CNTN5: variants seen among roughly 807,000 people sequenced by gnomAD.
The protein encoded by CNTN5 is contactin 5.
CNTN5 carries 77 observed loss-of-function variants against 129.1 expected under a neutral mutation model. That is an observed-to-expected ratio of 0.60 (90% confidence interval 0.50 to 0.72). CNTN5 has a LOEUF of 0.72. Ranked by LOEUF, CNTN5 falls within the 30% of genes least tolerant of loss-of-function variation. The pLI is 0.00. For missense variants in CNTN5, 1,478 were observed against 1,328.8 expected (o/e 1.11, Z -1.75); for synonymous variants, 509 against 465.6 (o/e 1.09, Z -1.20).
At chr11:100,226,921 G>A (rs891973319) in intron 16 of CNTN5, among the ~76,000 whole-genome samples, 2 of 152,060 alleles carry the variant, frequency 1.3e-5, no homozygotes, top group East Asian at 3.9e-4. Context: ...TAAACTCATG[G>A]TATTCTAATA....
chr11:99,589,849 T>C (rs573229606), intron 3 of CNTN5, among the ~76,000 whole-genome samples: 1 of 152,346 alleles, frequency 6.6e-6, no homozygotes, highest in Non-Finnish European at 1.5e-5. Flanking sequence ...ATCCTCATAA[T>C]ATTTTTCTAA....
chr11:99,964,498 G>C (rs1012230181), intron 8 of CNTN5, among the ~76,000 whole-genome samples: 7 of 152,184 alleles, frequency 4.6e-5, no homozygotes, highest in Non-Finnish European at 1.0e-4. Flanking sequence ...TTGCATCCCA[G>C]GGATGAAGCC....
chr11:100,299,578 T>A (rs1373572588), intron 20 of CNTN5, among the ~76,000 whole-genome samples, 182 bp downstream of exon 20: 1 of 151,500 alleles, frequency 6.6e-6, no homozygotes, highest in South Asian at 2.1e-4. Flanking sequence ...TAAAAGTTGA[T>A]TATTCCACAT....
intron 1 of CNTN5, among the ~76,000 whole-genome samples, chr11:99,274,055 C>T (rs143513267): frequency 6.6e-6 from 1 of 151,794 alleles, no homozygotes; most frequent in East Asian, 1.9e-4. Flanking sequence ...GTAACACTAA[C>T]CATACTTCAA....
intron 15 of CNTN5, among the ~76,000 whole-genome samples, chr11:100,218,546 C>T (rs1949192657): frequency 1.3e-5 from 2 of 152,144 alleles, no homozygotes; most frequent in South Asian, 4.1e-4. Context: ...TGAGAAGGGT[C>T]TCATACTTGA....
At chr11:99,881,408 G>C (rs1343030058) in intron 6 of CNTN5, among the ~76,000 whole-genome samples, 1 of 152,208 alleles carries the variant, frequency 6.6e-6, no homozygotes, top group Admixed American at 6.5e-5. Flanking sequence ...TTATGTAAGT[G>C]ATATTTATGA....
chr11:100,071,727 G>A lies in CNTN5; in HGVS notation c.1322G>A (p.Gly441Glu). 1 of 1,593,050 alleles carries A rather than the reference G, an allele frequency of 6.3e-7. No homozygotes were observed. Among genetic ancestry groups the A allele is most frequent in the South Asian group, 1.1e-5 (1 of 87,764 alleles). ...CAGAGTAGGGTTGAGATGGTTAATG[G>A]AGTATTGATGATCCACAATGTGAAT... ...SPQSRVEMVN[G>E]VLMIHNVNQS... is the part of the protein sequence containing the mutation. The change falls in exon 12 of 25, where the codon GGA (glycine) becomes GAA (glutamate). Residue 441 changes from glycine (G) to glutamate (E), a missense_variant. Gly to Glu is a moderately conservative substitution (Grantham distance 98). Transcript: ENST00000524871.
chr11:100,325,395 T>A lies in CNTN5; in HGVS notation c.2731-15068T>A, dbSNP rs188304684. Among the ~76,000 whole-genome samples the A allele has an allele frequency of 8.3e-4, 127 of 152,266 alleles. 1 individual carries two copies. In the East Asian group the frequency reaches 0.014, roughly 17 times the overall value. ...AGCATGTAAAACCAACTTTCCTTAA[T>A]TCCCCCTTAAAGCACCCATGAAACC... On this transcript the variant is annotated intron_variant, in intron 21 of 24. Coordinates refer to ENST00000524871, the MANE Select transcript of CNTN5 (RefSeq NM_014361.4).
chr11:99,522,892 ATCCT>A (rs1444027128), intron 2 of CNTN5, among the ~76,000 whole-genome samples: 1 of 152,124 alleles, frequency 6.6e-6, no homozygotes, highest in Non-Finnish European at 1.5e-5. Flanking sequence ...TACAAGAATC[ATCCT>A]TCCAAACAAA....
At chr11:99,817,071 C>T (rs988609249) in intron 3 of CNTN5, among the ~76,000 whole-genome samples, 19 of 152,142 alleles carry the variant, frequency 1.2e-4, no homozygotes, top group African/African-American at 4.6e-4. Context: ...CTTGAATTTA[C>T]TTTTATATCA....
intron 7 of CNTN5, among the ~76,000 whole-genome samples, chr11:99,952,458 T>C (rs964605843): frequency 3.3e-5 from 5 of 152,192 alleles, no homozygotes; most frequent in Admixed American, 1.3e-4. Flanking sequence ...GCAGCATCAG[T>C]AAAAATTAAT....
intron 13 of CNTN5, among the ~76,000 whole-genome samples, chr11:100,131,486 G>A (rs1210001873): frequency 6.6e-6 from 1 of 152,026 alleles, no homozygotes; most frequent in Non-Finnish European, 1.5e-5. Flanking sequence ...AGGTATTTGT[G>A]AGTTATCCAA....
intron 13 of CNTN5, among the ~76,000 whole-genome samples, chr11:100,182,552 G>A (rs781329264): frequency 6.6e-5 from 10 of 151,996 alleles, no homozygotes; most frequent in Non-Finnish European, 1.3e-4. Context: ...GATCATAGAA[G>A]TTCATCATTT....
chr11:100,029,060 A>C (rs975620501), intron 9 of CNTN5, among the ~76,000 whole-genome samples: 4 of 152,072 alleles, frequency 2.6e-5, no homozygotes, highest in Non-Finnish European at 5.9e-5. Flanking sequence ...ATACGTTAGA[A>C]GATAGAGAGA....
At chr11:99,082,174 G>A (rs1022862650) in intron 1 of CNTN5, among the ~76,000 whole-genome samples, 1 of 149,774 alleles carries the variant, frequency 6.7e-6, no homozygotes, top group Non-Finnish European at 1.5e-5. Flanking sequence ...GTAACCGCCA[G>A]TGTTCTCCAA....
chr11:99,426,615 A>G (rs1043397833), intron 2 of CNTN5, among the ~76,000 whole-genome samples: 1 of 152,196 alleles, frequency 6.6e-6, no homozygotes. Context: ...CTGGTCTTGT[A>G]TCAGTGCCTT....
chr11:99,617,054 T>C (rs375253523), intron 3 of CNTN5, among the ~76,000 whole-genome samples: 55 of 152,332 alleles, frequency 3.6e-4, no homozygotes, highest in African/African-American at 1.3e-3. Flanking sequence ...GAGGTTGCAG[T>C]GAGCCAAGAT....
At chr11:99,482,315 G>T (rs1169081197) in intron 2 of CNTN5, among the ~76,000 whole-genome samples, 1 of 152,094 alleles carries the variant, frequency 6.6e-6, no homozygotes, top group Non-Finnish European at 1.5e-5. Flanking sequence ...AAGCTGCAAA[G>T]AACAGAAAGG....
At chr11:99,698,174 A>G (rs142283209) in intron 3 of CNTN5, among the ~76,000 whole-genome samples, 27 of 151,248 alleles carry the variant, frequency 1.8e-4, no homozygotes, top group Middle Eastern at 3.4e-3. Context: ...AGTATTTTAC[A>G]TTATTCAGTG....
Sources: gnomAD v4.1 joint callset for allele counts (sites outside exome capture counted in the v4.1 genomes callset) on GRCh38, gnomAD v4.1.1 for gene constraint, MANE v1.5 for transcripts, NCBI Gene and HGNC (gene_info 2026-07-23, HGNC 2026-07-21) for gene names.